Variants in AFF3 observed in about 807,000 individuals in gnomAD.
The protein encoded by AFF3 is ALF transcription elongation factor 3.
A neutral mutation model predicts 129.7 loss-of-function variants in AFF3; 32 were observed. The observed-to-expected ratio is 0.25, with a 90% CI of 0.19 to 0.33. The LOEUF (loss-of-function observed/expected upper bound fraction) is 0.33, where lower values mean the gene tolerates loss of function less well. Among genes scored for constraint, AFF3 ranks in the 10% least tolerant of loss-of-function variants. AFF3 has a pLI of 1.00. For missense variants in AFF3, 1,373 were observed against 1,592.0 expected, an observed-to-expected ratio of 0.86 and a Z score of 2.34; for synonymous variants, 644 against 635.4, an observed-to-expected ratio of 1.01 and a Z score of -0.20.
At chr2:99,980,185 TG>T (rs1356533972) in intron 7 of AFF3, among the ~76,000 whole-genome samples, 1 of 152,238 alleles carries the variant, frequency 6.6e-6, no homozygotes, top group Non-Finnish European at 1.5e-5. Flanking sequence ...ACATCAGTTG[TG>T]GAAACAAATA....
At chr2:99,675,067 A>T (rs1049884114) in intron 11 of AFF3, among the ~76,000 whole-genome samples, 4 of 152,182 alleles carry the variant, frequency 2.6e-5, no homozygotes, top group Non-Finnish European at 4.4e-5. Context: ...CATCTATCTC[A>T]TCATCATTTC....
At chr2:99,879,978 TG>T (rs1040748092) in intron 7 of AFF3, among the ~76,000 whole-genome samples, 1 of 152,244 alleles carries the variant, frequency 6.6e-6, no homozygotes, top group African/African-American at 2.4e-5. Flanking sequence ...GGTGGTCAGA[TG>T]GTTACGTGTT....
chr2:100,024,732 T>C (rs1461238915), intron 4 of AFF3, among the ~76,000 whole-genome samples: 2 of 152,100 alleles, frequency 1.3e-5, no homozygotes, highest in Non-Finnish European at 1.5e-5. Flanking sequence ...ACTGTAGACA[T>C]TGCACTGGAT....
chr2:99,716,706 C>T (rs938488507), intron 11 of AFF3, among the ~76,000 whole-genome samples: 9 of 151,738 alleles, frequency 5.9e-5, no homozygotes, highest in Admixed American at 2.0e-4. Flanking sequence ...CATGGTGAAA[C>T]CCCATCTCTA....
intron 7 of AFF3, among the ~76,000 whole-genome samples, chr2:99,858,194 G>A (rs1399840125): frequency 6.6e-6 from 1 of 152,066 alleles, no homozygotes; most frequent in Non-Finnish European, 1.5e-5. Context: ...CATGGAGCTG[G>A]GCCCAACCAG....
chr2:100,108,011 G>A (rs1312938942), intron 2 of AFF3, among the ~76,000 whole-genome samples: 1 of 141,386 alleles, frequency 7.1e-6, no homozygotes, highest in Non-Finnish European at 1.6e-5. Context: ...CTCTGCAGGT[G>A]GTACTGCTGG....
intron 8 of AFF3, among the ~76,000 whole-genome samples, chr2:99,771,664 T>C (rs1683503691): frequency 6.6e-6 from 1 of 152,088 alleles, no homozygotes; most frequent in Admixed American, 6.5e-5. Context: ...AAGAATAACA[T>C]GGTATAAAGA....
rs141337347 is a variant in AFF3 at position 99,552,251 on chromosome 2, G to A, written c.3560-656C>T. Among the ~76,000 whole-genome samples, 173 of 152,222 alleles carry A rather than the reference G, an allele frequency of 1.1e-3. 1 individual carries two copies. Among genetic ancestry groups the A allele is most frequent in the African/African-American group, 3.9e-3 (164 of 41,528 alleles). On this transcript the variant is annotated intron_variant, in intron 24 of 24. Transcript: ENST00000672756. ...AGATACAAACAAACATTAGCCAGGT[G>A]TGGTGGCGCACACCTGTAATCCCAG...
intron 19 of AFF3, 90 bp from the exon 20 acceptor site, chr2:99,565,713 C>A (rs1243526734): frequency 2.9e-6 from 4 of 1,387,758 alleles, no homozygotes; most frequent in Non-Finnish European, 2.9e-6. Context: ...ATTTGAGAAA[C>A]CCAACTCTGA....
At chr2:99,770,829 A>G (rs763977189) in intron 8 of AFF3, among the ~76,000 whole-genome samples, 2 of 152,090 alleles carry the variant, frequency 1.3e-5, no homozygotes, top group Non-Finnish European at 2.9e-5. Context: ...CTGGTACCCT[A>G]TCCCTCTGTG....
intron 4 of AFF3, among the ~76,000 whole-genome samples, chr2:100,018,471 T>G (rs1210593828): frequency 6.6e-6 from 1 of 152,186 alleles, no homozygotes; most frequent in Non-Finnish European, 1.5e-5. Flanking sequence ...AAGGGTTAAA[T>G]GCTTTTCCTG....
chr2:100,118,316 G>A (rs1346521108), intron 2 of AFF3, among the ~76,000 whole-genome samples: 1 of 152,090 alleles, frequency 6.6e-6, no homozygotes, highest in African/African-American at 2.4e-5. Flanking sequence ...CCTGTGAATG[G>A]GCTAAGAGCA....
chr2:99,930,746 A>G (rs1275911514), intron 7 of AFF3, among the ~76,000 whole-genome samples: 2 of 152,258 alleles, frequency 1.3e-5, no homozygotes, highest in African/African-American at 4.8e-5. Context: ...TCTTTAAAGC[A>G]TCAGCCATTA....
At chr2:100,057,321 A>AG (rs1433222125) in intron 4 of AFF3, among the ~76,000 whole-genome samples, 2 of 65,418 alleles carry the variant, frequency 3.1e-5, no homozygotes, top group African/African-American at 5.2e-5. Context: ...ACTCTGTCTC[A>AG]AAAAAAAAAA....
At chr2:99,579,667 C>G (rs1257675418) in intron 17 of AFF3, among the ~76,000 whole-genome samples, 1 of 152,118 alleles carries the variant, frequency 6.6e-6, no homozygotes, top group Non-Finnish European at 1.5e-5. Context: ...TTGCAGTGAG[C>G]CAAGACTGCA....
Position 99,593,204 on chromosome 2 carries a change from C to T in AFF3, c.2457G>A (p.Arg819=), listed in dbSNP as rs1451911006. 1 of 1,580,372 alleles carries T rather than the reference C, an allele frequency of 6.3e-7. No homozygotes were observed. The highest frequency in any genetic ancestry group is 1.4e-5 in the African/African-American group (1 of 73,982). Residue 819 remains arginine, a synonymous_variant, in exon 15 of 25, where the codon AGG becomes AGA. Coordinates refer to ENST00000672756, the MANE Select transcript of AFF3 (RefSeq NM_001386135.1). ...PAEKALPKSK[R]KRKCDNEDDY... is the part of the protein sequence containing the mutation. ...TCAGCCCCAGGCCTACCTTGCGTTT[C>T]CTCTTGGATTTTGGCAAAGCCTTTT... is the stretch of plus-strand genomic sequence containing the variant.
Position 99,551,606 on chromosome 2 carries a change from A to G in AFF3, c.3560-11T>C. ...GGTCGTTGAAGAATTCTAGGGGGAC[A>G]GAAAGAGTTGTTAAGAATGCCACAC... On this transcript the variant is annotated splice_polypyrimidine_tract_variant and intron_variant, in intron 24 of 24. Coordinates refer to ENST00000672756, the MANE Select transcript of AFF3 (RefSeq NM_001386135.1). The G allele has an allele frequency of 6.2e-7, 1 of 1,613,976 alleles. No individual in the cohort carries two copies. Among genetic ancestry groups the G allele is most frequent in the Non-Finnish European group, 8.5e-7 (1 of 1,179,928 alleles).
At chr2:99,985,970 G>A (rs562661945) in intron 7 of AFF3, among the ~76,000 whole-genome samples, 1 of 152,188 alleles carries the variant, frequency 6.6e-6, no homozygotes, top group East Asian at 1.9e-4. Flanking sequence ...GGAGGCCGAG[G>A]TGGGCGGATC....
At chr2:99,994,909 G>C (rs1342259702) in intron 7 of AFF3, among the ~76,000 whole-genome samples, 2 of 152,174 alleles carry the variant, frequency 1.3e-5, no homozygotes, top group Non-Finnish European at 2.9e-5. Flanking sequence ...AAAATTATTA[G>C]AGCTGGAGTA....
Sources: gnomAD v4.1 joint callset for allele counts (sites outside exome capture counted in the v4.1 genomes callset) on GRCh38, gnomAD v4.1.1 for gene constraint, MANE v1.5 for transcripts, NCBI Gene and HGNC (gene_info 2026-07-23, HGNC 2026-07-21) for gene names.